KDM7A: variants seen among roughly 807,000 people sequenced by gnomAD.
KDM7A encodes lysine demethylase 7A.
Under a neutral mutation model 114.8 loss-of-function variants are expected in KDM7A, and 28 were observed. That is an observed-to-expected ratio of 0.24 (90% CI 0.18 to 0.33). The LOEUF is 0.33. Among genes scored for constraint, KDM7A ranks in the 10% least tolerant of loss-of-function variants. The pLI is 1.00. For missense variants in KDM7A, 942 were observed against 1,142.5 expected, an observed-to-expected ratio of 0.82 and a Z score of 2.53; for synonymous variants, 423 against 397.8, an observed-to-expected ratio of 1.06 and a Z score of -0.75.
At chr7:140,170,282 T>A (rs904746435) in intron 1 of KDM7A, among the ~76,000 whole-genome samples, 3 of 152,236 alleles carry the variant, frequency 2.0e-5, no homozygotes, top group Admixed American at 1.3e-4. Flanking sequence ...ATATTTTACA[T>A]ATTTACATTA....
At chr7:140,111,246 A>G in intron 10 of KDM7A, 62 bp from the exon 11 acceptor site, 1 of 1,097,704 alleles carries the variant, frequency 9.1e-7, no homozygotes, top group African/African-American at 1.6e-5. Flanking sequence ...ATGTAAAAAC[A>G]AATTTACTAA....
At chr7:140,116,884 A>G (rs1372519167) in intron 9 of KDM7A, among the ~76,000 whole-genome samples, 1 of 152,234 alleles carries the variant, frequency 6.6e-6, no homozygotes, top group African/African-American at 2.4e-5. Context: ...CTGTTTTACT[A>G]TCACTGACAT....
In KDM7A at chr7:140,087,105, G is replaced by C. The variant is rs1401843231; in HGVS notation, c.*3989C>G. ...CTGGTTTCTTTCTACCAAGCAAACT[G>C]TTGGTACCCAACCCAGAGCTGTCTT... On this transcript the variant is annotated 3_prime_UTR_variant, in exon 20 of 20. Transcript: ENST00000397560. The C allele has an allele frequency of 6.6e-6, 1 of 152,178 alleles. No homozygotes were observed. The highest frequency in any genetic ancestry group is 1.5e-5 in the Non-Finnish European group (1 of 68,038). 9.4% of individuals were successfully genotyped at this position (152,178 alleles called of 1,614,324 possible).
At chr7:140,111,557 G>A (rs1462077517) in intron 10 of KDM7A, among the ~76,000 whole-genome samples, 2 of 152,180 alleles carry the variant, frequency 1.3e-5, no homozygotes, top group Non-Finnish European at 2.9e-5. Context: ...GGAGAACACA[G>A]ACACTAACGT....
At chr7:140,129,255 C>T (rs1015841846) in intron 4 of KDM7A, among the ~76,000 whole-genome samples, 17 of 152,120 alleles carry the variant, frequency 1.1e-4, no homozygotes, top group African/African-American at 3.9e-4. Context: ...CTTAATGGCA[C>T]AAAAGAAAGC....
intron 18 of KDM7A, 44 bp downstream of exon 18, chr7:140,094,012 G>T (rs748016840): frequency 1.7e-6 from 2 of 1,159,142 alleles, no homozygotes; most frequent in Non-Finnish European, 2.6e-6. Flanking sequence ...CAACGTTAAT[G>T]ATCATTTTAA....
chr7:140,110,920 ATT>A (rs1818419992), intron 11 of KDM7A, among the ~76,000 whole-genome samples, 173 bp downstream of exon 11: 1 of 152,170 alleles, frequency 6.6e-6, no homozygotes, highest in Admixed American at 6.5e-5. Flanking sequence ...CAATATTTAA[ATT>A]TCTCTTAAGG....
chr7:140,162,535 C>T (rs2116850948), intron 1 of KDM7A, among the ~76,000 whole-genome samples: 1 of 152,236 alleles, frequency 6.6e-6, no homozygotes, highest in South Asian at 2.1e-4. Flanking sequence ...TTTTCTCTGA[C>T]ATTGATTTTT....
intron 9 of KDM7A, among the ~76,000 whole-genome samples, chr7:140,114,823 C>T (rs543569581): frequency 2.4e-4 from 37 of 151,782 alleles, no homozygotes; most frequent in African/African-American, 8.7e-4. Flanking sequence ...GGCCGCGACC[C>T]CGTCTGGGAG....
rs1439783385 is a variant in KDM7A at position 140,127,679 on chromosome 7, C to A, written c.560-96G>T. 2.9e-6 allele frequency: 3 copies of A among 1,048,868 alleles called. No individual in the cohort carries two copies. The East Asian group carries it at 7.1e-5, about 25-fold the overall frequency. 65.0% of individuals were successfully genotyped at this position (1,048,868 alleles called of 1,614,324 possible). On this transcript the variant is annotated intron_variant, in intron 4 of 19. Coordinates refer to ENST00000397560, the MANE Select transcript of KDM7A (RefSeq NM_030647.2). ...ATTTTAACTTGGTATGATAATTAAA[C>A]CAACTATAAAACTATGTAGTCTAGA...
chr7:140,153,493 A>AG (rs1262353971), intron 1 of KDM7A, among the ~76,000 whole-genome samples: 2 of 129,166 alleles, frequency 1.5e-5, no homozygotes, highest in Non-Finnish European at 3.3e-5. Flanking sequence ...CTCAAAAAGA[A>AG]AAAAAAAAAA....
At position 140,128,173 on chromosome 7, in the gene KDM7A, C is replaced by T. The variant is rs146256728; in HGVS notation, c.560-590G>A. On this transcript the variant is annotated intron_variant, in intron 4 of 19. Transcript: ENST00000397560. ...ATCAGTTCACATTAGTACCAGTGTC[C>T]GAAGGCCTGAGTTCCAAATTGTGAT... is the stretch of plus-strand genomic sequence containing the variant. 3.9e-5 allele frequency among the ~76,000 whole-genome samples: 6 copies of T among 152,124 alleles called. No homozygotes were observed. The East Asian group carries it at 5.8e-4, about 15-fold the overall frequency.
At chr7:140,148,017 C>CTAA in intron 1 of KDM7A, among the ~76,000 whole-genome samples, 1 of 152,142 alleles carries the variant, frequency 6.6e-6, no homozygotes, top group Non-Finnish European at 1.5e-5. Flanking sequence ...AGTAAACATA[C>CTAA]TAAGTCATAA....
At chr7:140,172,449 C>T (rs907135562) in intron 1 of KDM7A, among the ~76,000 whole-genome samples, 1 of 151,794 alleles carries the variant, frequency 6.6e-6, no homozygotes, top group East Asian at 1.9e-4. Context: ...GTCAGGAGAT[C>T]GAGACCATCC....
intron 1 of KDM7A, among the ~76,000 whole-genome samples, chr7:140,158,763 G>A (rs1336401036): frequency 6.6e-6 from 1 of 152,142 alleles, no homozygotes; most frequent in Non-Finnish European, 1.5e-5. Context: ...CAAAGCAGAA[G>A]GAAAATCAGC....
At chr7:140,168,974 T>C (rs1247235455) in intron 1 of KDM7A, among the ~76,000 whole-genome samples, 2 of 152,180 alleles carry the variant, frequency 1.3e-5, no homozygotes, top group African/African-American at 4.8e-5. Flanking sequence ...GTTCGTAATA[T>C]ATACAGACAG....
At chr7:140,119,779 A>G (rs920625919) in intron 8 of KDM7A, among the ~76,000 whole-genome samples, 12 of 152,192 alleles carry the variant, frequency 7.9e-5, no homozygotes, top group Non-Finnish European at 1.5e-4. Flanking sequence ...ATAACGCCAC[A>G]CACAGATGCA....
intron 1 of KDM7A, among the ~76,000 whole-genome samples, chr7:140,160,515 C>T (rs1794506833): frequency 1.3e-5 from 2 of 152,128 alleles, no homozygotes; most frequent in African/African-American, 4.8e-5. Context: ...AGACAGTCTC[C>T]GATTTACAAT....
chr7:140,119,755 C>T (rs991622571), intron 8 of KDM7A, among the ~76,000 whole-genome samples: 1 of 152,166 alleles, frequency 6.6e-6, no homozygotes, highest in African/African-American at 2.4e-5. Flanking sequence ...CTGTAAAAGC[C>T]ACTATCTCCC....
Sources: allele counts gnomAD v4.1 joint callset (sites outside exome capture counted in the v4.1 genomes callset), GRCh38; gene constraint gnomAD v4.1.1; transcripts MANE v1.5; gene names NCBI Gene and HGNC (gene_info 2026-07-23, HGNC 2026-07-21).